PCDHGA4: variants seen among roughly 807,000 people sequenced by gnomAD.
The protein encoded by PCDHGA4 is protocadherin gamma-A4.
Under a neutral mutation model 54.6 loss-of-function variants are expected in PCDHGA4, and 38 were observed. The observed-to-expected ratio is 0.70, with a 90% CI of 0.54 to 0.91. PCDHGA4 has a LOEUF of 0.91. PCDHGA4 is among the 40% of genes least tolerant of loss of function. PCDHGA4 has a pLI of 0.00. For synonymous variants in PCDHGA4, 511 were observed against 512.9 expected, an observed-to-expected ratio of 1.00 and a Z score of 0.05; for missense variants, 1,298 against 1,220.9, an observed-to-expected ratio of 1.06 and a Z score of -0.94.
chr5:141,383,264 A>T, intron 1 of PCDHGA4: 1 of 1,613,962 alleles, frequency 6.2e-7, no homozygotes, highest in Non-Finnish European at 8.5e-7. Context: ...ATAGACGTGG[A>T]AATAATAGAT....
rs778244253 is a variant in PCDHGA4 at position 141,376,253 on chromosome 5, C to G, written c.2514+18632C>G. 3 of 1,614,104 alleles carry G rather than the reference C, an allele frequency of 1.9e-6. No individual in the cohort carries two copies. The African/African-American group carries it at 4.0e-5, about 22-fold the overall frequency. ...ACTGCAGCGCTGGCACAAGTCACGC[C>G]TGCTGCAGGCTTCGGGAGGTGGCTT... On this transcript the variant is annotated intron_variant, in intron 1 of 3. Transcript: ENST00000571252.
chr5:141,419,846 G>T (rs1407937968), intron 1 of PCDHGA4: 2 of 1,614,066 alleles, frequency 1.2e-6, no homozygotes, highest in Non-Finnish European at 1.7e-6. Context: ...GCTGCACCTG[G>T]TGTTCGCAGA....
intron 1 of PCDHGA4, among the ~76,000 whole-genome samples, chr5:141,481,913 CAAAAAAA>C (rs34114744): frequency 2.2e-5 from 2 of 90,812 alleles, no homozygotes; most frequent in Admixed American, 1.2e-4. Context: ...AACTCCATCT[CAAAAAAA>C]AAAAAAAAAA....
Position 141,501,335 on chromosome 5 carries a change from C to A in PCDHGA4, c.2574-4058C>A, listed in dbSNP as rs977626682. 1.5e-4 allele frequency among the ~76,000 whole-genome samples: 20 copies of A among 135,718 alleles called. No individual in the cohort carries two copies. In the East Asian group the frequency reaches 2.2e-3, roughly 15 times the overall value. The allele number at this position is 135,718 out of a possible 152,430, so 89.0% of individuals were successfully genotyped here. The stretch of plus-strand genomic sequence containing the variant: ...CACACACACACACACACACACACAC[C>A]CCAAACTCAATAGGGCAAGAACCAT... On this transcript the variant is annotated intron_variant, in intron 2 of 3. Transcript: ENST00000571252.
Position 141,355,159 on chromosome 5 carries a change from G to C in PCDHGA4, c.52G>C (p.Glu18Gln), listed in dbSNP as rs752051365. The change falls in exon 1 of 4, where the codon GAG becomes CAG. Residue 18 changes from glutamate to glutamine, a missense_variant. By Grantham distance (29) the Glu-to-Gln change is conservative. Transcript: ENST00000571252. Reference sequence around the variant, plus strand: ...TCCTGGGGCTCCTCAGGCCTCGACAGAGGGAAAACCGAAGCACAGGCGACT... The same window carrying C: ...TCCTGGGGCTCCTCAGGCCTCGACACAGGGAAAACCGAAGCACAGGCGACT... ...EDPGAPQASTEGKPKHRRLRG... is the reference protein window; with the variant it reads ...EDPGAPQASTQGKPKHRRLRG... 9 of 1,558,856 alleles carry C rather than the reference G, an allele frequency of 5.8e-6. No individual in the cohort carries two copies. Among genetic ancestry groups the C allele is most frequent in the Non-Finnish European group, 7.8e-6 (9 of 1,154,092 alleles).
chr5:141,426,596 C>T (rs1408090148), intron 1 of PCDHGA4: 9 of 377,102 alleles, frequency 2.4e-5, no homozygotes, highest in Middle Eastern at 3.9e-4. Context: ...GTGTCATACC[C>T]TTAGAGATTG....
intron 1 of PCDHGA4, chr5:141,375,591 C>T (rs1177848611): frequency 6.2e-7 from 1 of 1,614,194 alleles, no homozygotes; most frequent in East Asian, 2.2e-5. Flanking sequence ...CCCCTGTCCT[C>T]CTACGTGTCC....
chr5:141,390,399 G>A (rs545358089), intron 1 of PCDHGA4: 2 of 1,359,380 alleles, frequency 1.5e-6, no homozygotes, highest in Non-Finnish European at 2.0e-6. Context: ...GATCATTTTA[G>A]GAAAGTTGTA....
At chr5:141,389,855 G>GAGAGC (rs2091946783) in intron 1 of PCDHGA4, 1 of 1,613,942 alleles carries the variant, frequency 6.2e-7, no homozygotes, top group Non-Finnish European at 8.5e-7. Flanking sequence ...CCACTGCCAC[G>GAGAGC]TTGCACCTGG....
chr5:141,360,275 T>C, intron 1 of PCDHGA4: 2 of 1,613,826 alleles, frequency 1.2e-6, no homozygotes, highest in South Asian at 1.1e-5. Context: ...AACTCGGTCG[T>C]AGGAAACCTC....
chr5:141,458,385 C>T (rs1371423838), intron 1 of PCDHGA4, among the ~76,000 whole-genome samples: 15 of 152,104 alleles, frequency 9.9e-5, no homozygotes, highest in East Asian at 1.9e-4. Context: ...AGAAGGAAGA[C>T]GCTCCCCCTT....
At chr5:141,403,591 G>C in intron 1 of PCDHGA4, 2 of 1,613,836 alleles carry the variant, frequency 1.2e-6, no homozygotes, top group South Asian at 1.1e-5. Flanking sequence ...TGGTCCTCAC[G>C]GCCTCGGATG....
chr5:141,463,041 G>C (rs1383781857), intron 1 of PCDHGA4, among the ~76,000 whole-genome samples: 1 of 152,114 alleles, frequency 6.6e-6, no homozygotes, highest in African/African-American at 2.4e-5. Flanking sequence ...TGAGTGTTCA[G>C]CAGGGTCTCT....
intron 1 of PCDHGA4, among the ~76,000 whole-genome samples, chr5:141,368,347 A>C (rs1019571086): frequency 1.3e-5 from 2 of 152,112 alleles, no homozygotes; most frequent in Non-Finnish European, 2.9e-5. Context: ...ATACATATAC[A>C]CACACATATA....
chr5:141,491,126 G>A lies in PCDHGA4; in HGVS notation c.2515-3681G>A, dbSNP rs768294944. 1.4e-5 allele frequency: 23 copies of A among 1,613,978 alleles called. No individual in the cohort carries two copies. In the East Asian group the frequency reaches 3.1e-4, roughly 22 times the overall value. On this transcript the variant is annotated intron_variant, in intron 1 of 3. Transcript: ENST00000571252. This position sits in a 1 kb window ranked among gnomAD's most constrained non-coding sequence, Gnocchi z 6.9. ...GTGTCTACACACACTGGTGAGGTGCGCACAGCCCGGGCCTTACTGGAGGAT... is the reference window on the plus strand; with the variant it reads ...GTGTCTACACACACTGGTGAGGTGCACACAGCCCGGGCCTTACTGGAGGAT...
At chr5:141,380,635 G>C (rs746308338) in intron 1 of PCDHGA4, among the ~76,000 whole-genome samples, 17 of 152,190 alleles carry the variant, frequency 1.1e-4, no homozygotes, top group African/African-American at 2.4e-4. Flanking sequence ...TAGAAAATGT[G>C]AATGCTAGAG....
chr5:141,372,067 A>C, intron 1 of PCDHGA4: 1 of 1,613,568 alleles, frequency 6.2e-7, no homozygotes, highest in Non-Finnish European at 8.5e-7. Context: ...CGCAACGACA[A>C]TGCACCGCTG....
intron 1 of PCDHGA4, among the ~76,000 whole-genome samples, chr5:141,452,868 C>T (rs1339532803): frequency 6.6e-6 from 1 of 152,170 alleles, no homozygotes; most frequent in Non-Finnish European, 1.5e-5. Flanking sequence ...TTTTCTAACT[C>T]CATTTGTAAT....
intron 1 of PCDHGA4, chr5:141,374,866 G>T (rs956228027): frequency 3.1e-6 from 5 of 1,613,750 alleles, no homozygotes; most frequent in Non-Finnish European, 4.2e-6. Context: ...GCACACCAGT[G>T]TTGGCAGTGA....
Sources: allele counts gnomAD v4.1 joint callset (sites outside exome capture counted in the v4.1 genomes callset), GRCh38; gene constraint gnomAD v4.1.1; non-coding constraint Gnocchi (gnomAD v3.1); transcripts MANE v1.5; gene names NCBI Gene and HGNC (gene_info 2026-07-23, HGNC 2026-07-21).